CLCN7: variants seen among roughly 807,000 people sequenced by gnomAD.
CLCN7 encodes the protein H(+)/Cl(-) exchange transporter 7.
A neutral mutation model predicts 102.1 loss-of-function variants in CLCN7; 60 were observed. The observed-to-expected ratio is 0.59, with a 90% CI of 0.48 to 0.73. CLCN7 has a LOEUF of 0.73. Among genes scored for constraint, CLCN7 ranks in the 30% least tolerant of loss-of-function variants. The probability of loss-of-function intolerance (pLI) is 0.00; values close to 1 mark genes in which losing one functional copy is unlikely to be tolerated. For missense variants in CLCN7, 962 were observed against 1,125.7 expected (o/e 0.85, Z 2.08); for synonymous variants, 560 against 490.5 (o/e 1.14, Z -1.87).
rs1379115555 is a variant in CLCN7, at chr16:1,453,853, G to C, written c.1195C>G (p.Leu399Val). ...CCTCACCTGATTCGAAACATGGTCA[G>C]CCAGTAGTTCAAGGCATTGAACACT... ...GAVFNALNYW[L>V]TMFRIRYIHR... The change falls in exon 14 of 25, where the codon CTG (leucine) becomes GTG (valine). Residue 399 changes from leucine to valine, a missense_variant. By Grantham distance (32) the Leu-to-Val change is conservative. Transcript: ENST00000382745. 6.2e-7 allele frequency: 1 copy of C among 1,613,294 alleles called. No homozygotes were observed. Among genetic ancestry groups the C allele is most frequent in the Non-Finnish European group, 8.5e-7 (1 of 1,180,038 alleles).
At chr16:1,473,372 T>A (rs1159878736) in intron 1 of CLCN7, among the ~76,000 whole-genome samples, 1 of 126,002 alleles carries the variant, frequency 7.9e-6, no homozygotes, top group Non-Finnish European at 1.6e-5. Context: ...TTCCTAAACT[T>A]TTTTTTTTTT....
In CLCN7 at chr16:1,455,893, C is replaced by T. The variant is rs577932801; in HGVS notation, c.917-98G>A. ...AGGCTCCAGGGAACCCAGACCACGTCAGAAAGAAGCTAATGGGGTGGGCCC... is the reference window on the plus strand; with the variant it reads ...AGGCTCCAGGGAACCCAGACCACGTTAGAAAGAAGCTAATGGGGTGGGCCC... On this transcript the variant is annotated intron_variant, in intron 10 of 24. Coordinates refer to ENST00000382745, the MANE Select transcript of CLCN7 (RefSeq NM_001287.6). The T allele has an allele frequency of 3.7e-6, 5 of 1,354,786 alleles. No homozygotes were observed. The African/African-American group carries it at 5.7e-5, about 15-fold the overall frequency. 83.9% of individuals were successfully genotyped at this position (1,354,786 alleles called of 1,614,324 possible).
chr16:1,449,729 T>G, intron 17 of CLCN7: 1 of 269,190 alleles, frequency 3.7e-6, no homozygotes, highest in East Asian at 6.9e-5. Flanking sequence ...CGAGGGTCGG[T>G]GGGCACAGGG....
At chr16:1,448,303 G>A (rs141815408) in intron 21 of CLCN7, 52 bp downstream of exon 21, 459 of 1,605,510 alleles carry the variant, frequency 2.9e-4, no homozygotes, top group Non-Finnish European at 3.8e-4. Flanking sequence ...TCCCACCAAT[G>A]GACTCGACAG....
In CLCN7 at chr16:1,461,645, C is replaced by T. The variant is rs2038939137; in HGVS notation, c.243G>A (p.Lys81=). 1.2e-6 allele frequency: 2 copies of T among 1,613,948 alleles called. No individual in the cohort carries two copies. The highest frequency in any genetic ancestry group is 1.7e-6 in the Non-Finnish European group (2 of 1,180,026). ...PDMDPPHPFP[K]EIPHNEKLLS... ...GGAGCTTCTCGTTGTGTGGGATCTCCTTGGGGAAGGGATGTGGAGGGTCCA... is the reference window on the plus strand; with the variant it reads ...GGAGCTTCTCGTTGTGTGGGATCTCTTTGGGGAAGGGATGTGGAGGGTCCA... Residue 81 remains lysine (K), a synonymous_variant, in exon 3 of 25, where the codon AAG becomes AAA. Coordinates refer to ENST00000382745, the MANE Select transcript of CLCN7 (RefSeq NM_001287.6).
At chr16:1,449,384 G>A in intron 17 of CLCN7, 57 bp from the exon 18 acceptor site, 1 of 1,522,984 alleles carries the variant, frequency 6.6e-7, no homozygotes, top group Non-Finnish European at 8.9e-7. Flanking sequence ...AACCCACCAA[G>A]ATACACAGAC....
chr16:1,448,516 C>T, intron 20 of CLCN7, 32 bp from the exon 21 acceptor site: 6 of 1,605,816 alleles, frequency 3.7e-6, no homozygotes, highest in Non-Finnish European at 5.1e-6. Flanking sequence ...ACATGCCCGT[C>T]ACACGCCACC....
chr16:1,461,661 G>C lies in CLCN7; in HGVS notation c.227C>G (p.Pro76Arg). The C allele has an allele frequency of 6.2e-7, 1 of 1,614,058 alleles. No homozygotes were observed. The highest frequency in any genetic ancestry group is 8.5e-7 in the Non-Finnish European group (1 of 1,179,992). ...DELLDPDMDPPHPFPKEIPHN... is the reference protein window; with the variant it reads ...DELLDPDMDPRHPFPKEIPHN... The stretch of plus-strand genomic sequence containing the variant: ...TGGGATCTCCTTGGGGAAGGGATGT[G>C]GAGGGTCCATATCCTGTGGCAGAAA... Residue 76 changes from proline (P) to arginine (R), a missense_variant, in exon 3 of 25, where the codon CCA becomes CGA. Around this residue, in one of 2 missense-constraint regions of CLCN7, gnomAD observed 163 missense variants for 137.7 expected, o/e 1.18. Coordinates refer to ENST00000382745, the MANE Select transcript of CLCN7 (RefSeq NM_001287.6).
rs145363344 is a variant in CLCN7 at position 1,454,424 on chromosome 16, G to A, written c.1140C>T (p.Ala380=). Reference sequence around the variant, plus strand: ...AGAAGCCCTTACCCACCACGCCCATGGCGATGAAGACCGGGATCTCGTGGA... The same window carrying A: ...AGAAGCCCTTACCCACCACGCCCATAGCGATGAAGACCGGGATCTCGTGGA... ...YTIHEIPVFI[A]MGVVGGVLGA... The change falls in exon 13 of 25, where the codon GCC becomes GCT. Residue 380 remains alanine, a synonymous_variant. Coordinates refer to ENST00000382745, the MANE Select transcript of CLCN7 (RefSeq NM_001287.6). The A allele has an allele frequency of 2.4e-5, 38 of 1,613,692 alleles. No individual in the cohort carries two copies. In the African/African-American group the frequency reaches 5.1e-4, roughly 21 times the overall value.
intron 1 of CLCN7, among the ~76,000 whole-genome samples, chr16:1,474,533 C>T (rs1320091651): frequency 2.0e-5 from 3 of 152,250 alleles, no homozygotes; most frequent in Admixed American, 6.5e-5. Flanking sequence ...AGGGAATGAA[C>T]GTGCGCCACG....
Position 1,457,148 on chromosome 16 carries a change from C to T in CLCN7, c.822+106G>A. 3 of 1,079,876 alleles carry T rather than the reference C, an allele frequency of 2.8e-6. No homozygotes were observed. Among genetic ancestry groups the T allele is most frequent in the Non-Finnish European group, 2.8e-6 (2 of 703,604 alleles). The allele number at this position is 1,079,876 out of a possible 1,614,324, so 66.9% of individuals were successfully genotyped here. A position where few individuals can be genotyped will look rare whatever the true frequency, so the allele number is the denominator to read the frequency against. On this transcript the variant is annotated intron_variant, in intron 9 of 24. Coordinates refer to ENST00000382745, the MANE Select transcript of CLCN7 (RefSeq NM_001287.6). This position sits in a 1 kb window ranked among gnomAD's most constrained non-coding sequence, Gnocchi z 5.4. ...CCCGCCAGGCTGTCCTCAGATGGGG[C>T]TGGGGCTCTCGGCCTGGGGGTGCTG...
intron 16 of CLCN7, 68 bp downstream of exon 16, chr16:1,451,555 C>T (rs2038751106): frequency 1.5e-6 from 2 of 1,373,334 alleles, no homozygotes; most frequent in African/African-American, 2.8e-5. Flanking sequence ...CCACAGGGGA[C>T]ACTCAGCCAG....
rs751347106 is a variant in CLCN7, at chr16:1,461,664, G to C, written c.224C>G (p.Pro75Arg). Residue 75 changes from proline to arginine, a missense_variant, in exon 3 of 25, where the codon CCT becomes CGT. Pro to Arg is a moderately radical substitution (Grantham distance 103). Around this residue, in one of 2 missense-constraint regions of CLCN7, gnomAD observed 163 missense variants for 137.7 expected, o/e 1.18. Transcript: ENST00000382745. ...DDELLDPDMD[P>R]PHPFPKEIPH... ...GATCTCCTTGGGGAAGGGATGTGGA[G>C]GGTCCATATCCTGTGGCAGAAAAAG... 2 of 1,613,866 alleles carry C rather than the reference G, an allele frequency of 1.2e-6. No homozygotes were observed. The highest frequency in any genetic ancestry group is 2.2e-5 in the South Asian group (2 of 91,044).
At chr16:1,449,759 G>A (rs1273264295) in intron 17 of CLCN7, 1 of 240,158 alleles carries the variant, frequency 4.2e-6, no homozygotes, top group African/African-American at 3.0e-5. Flanking sequence ...TGGGATGACG[G>A]AACATTCTAG....
chr16:1,452,704 C>T (rs757609109), intron 15 of CLCN7, 51 bp downstream of exon 15: 13 of 1,547,942 alleles, frequency 8.4e-6, no homozygotes, highest in African/African-American at 2.7e-5. Flanking sequence ...TCCTGGAGGC[C>T]GCCCTGTGGC....
intron 1 of CLCN7, among the ~76,000 whole-genome samples, chr16:1,467,429 G>A (rs1217830714): frequency 6.6e-6 from 1 of 152,170 alleles, no homozygotes; most frequent in Non-Finnish European, 1.5e-5. Context: ...GTGGGAGGAG[G>A]AAGGTGCCAC....
At position 1,447,079 on chromosome 16, in the gene CLCN7, G is replaced by A. The variant is rs140032494; in HGVS notation, c.2258C>T (p.Ser753Leu). 6.3e-6 allele frequency: 10 copies of A among 1,597,170 alleles called. No homozygotes were observed. Among genetic ancestry groups the A allele is most frequent in the East Asian group, 2.3e-5 (1 of 44,408 alleles). ...GAACAGCTTGAACACCCGTGGGAGC[G>A]ACGCCTCCTGCAGCAGGGGCACAGC... ...PSPYTVPQEA[S>L]LPRVFKLFRA... Residue 753 changes from serine to leucine, a missense_variant, in exon 24 of 25, where the codon TCG becomes TTG. Ser to Leu is a moderately radical substitution (Grantham distance 145). Transcript: ENST00000382745.
chr16:1,455,995 C>T (rs1042626854), intron 10 of CLCN7, 118 bp downstream of exon 10: 14 of 1,043,574 alleles, frequency 1.3e-5, no homozygotes, highest in East Asian at 1.0e-4. Context: ...CCAAATGCCC[C>T]GGCCGTGACT....
chr16:1,473,698 A>G (rs2039110799), intron 1 of CLCN7, among the ~76,000 whole-genome samples: 2 of 152,080 alleles, frequency 1.3e-5, no homozygotes, highest in South Asian at 4.1e-4. Flanking sequence ...TAAGCACAAG[A>G]CAAGTGTTTA....
Sources: allele counts gnomAD v4.1 joint callset (sites outside exome capture counted in the v4.1 genomes callset), GRCh38; gene constraint gnomAD v4.1.1; regional missense constraint gnomAD v4.1.1; non-coding constraint Gnocchi (gnomAD v3.1); transcripts MANE v1.5; gene names NCBI Gene and HGNC (gene_info 2026-07-23, HGNC 2026-07-21).